Variants in FETUB observed in about 807,000 individuals in gnomAD.
FETUB encodes the protein fetuin-B.
Under a neutral mutation model 30.9 loss-of-function variants are expected in FETUB, and 28 were observed. That is an observed-to-expected ratio of 0.90 (90% CI 0.67 to 1.24). The LOEUF (loss-of-function observed/expected upper bound fraction) is 1.24. FETUB is among the 50% of genes most tolerant of loss of function. The probability of loss-of-function intolerance (pLI) is 0.00; values close to 1 mark genes in which losing one functional copy is unlikely to be tolerated. For missense variants in FETUB, 469 were observed against 455.3 expected, an observed-to-expected ratio of 1.03 and a Z score of -0.27; for synonymous variants, 186 against 175.9, an observed-to-expected ratio of 1.06 and a Z score of -0.45.
At chr3:186,638,218 A>T (rs1276018015), upstream of FETUB, among the ~76,000 whole-genome samples, 4 of 152,160 alleles carry the variant, frequency 2.6e-5, no homozygotes, top group East Asian at 1.9e-4. Flanking sequence ...ACCTAGATTG[A>T]TCTATCTCCA....
At chr3:186,638,886 G>C (rs1716855447), upstream of FETUB, among the ~76,000 whole-genome samples, 2 of 152,100 alleles carry the variant, frequency 1.3e-5, no homozygotes, top group Non-Finnish European at 2.9e-5. Context: ...TGAATGTCTG[G>C]TTTCTGTACC....
rs776890782 is a variant in FETUB, at chr3:186,652,559, C to T, written c.1077C>T (p.Pro359=). The T allele has an allele frequency of 8.1e-6, 13 of 1,613,782 alleles. No individual in the cohort carries two copies. The highest frequency in any genetic ancestry group is 1.1e-5 in the Non-Finnish European group (13 of 1,179,994). ...AGAAGCTGGTGGTCCTGCCTTTCCC[C>T]AAAGAAAAAGCACGCACTGCTGAGT... ...MEEKLVVLPF[P]KEKARTAECP... Residue 359 remains proline (P), a synonymous_variant, in exon 7 of 7, where the codon CCC becomes CCT. Coordinates refer to ENST00000265029, the MANE Select transcript of FETUB (RefSeq NM_014375.3).
chr3:186,641,150 T>G lies in FETUB; in HGVS notation c.336+10T>G. 6.4e-7 allele frequency: 1 copy of G among 1,564,764 alleles called. No individual in the cohort carries two copies. On this transcript the variant is annotated intron_variant, in intron 2 of 6. Transcript: ENST00000265029. ...GATATTTTTTGAATCAGTGAGTGCT[T>G]GTTTTTATAAACCATTAAGGGCCCT...
chr3:186,640,684 G>A lies in FETUB; in HGVS notation c.224G>A (p.Arg75Gln), dbSNP rs773072487. ...GTGAACGACGCCCAGGAATACAGACGGGCAAGTAGGGACAGTTCCCACTCT... is the reference window on the plus strand; with the variant it reads ...GTGAACGACGCCCAGGAATACAGACAGGCAAGTAGGGACAGTTCCCACTCT... The part of the protein sequence containing the change: ...NRVNDAQEYR[R>Q]GGLGSLFYLT... Residue 75 changes from arginine (R) to glutamine (Q), a missense_variant and splice_region_variant, in exon 1 of 7, where the codon CGG becomes CAG. Transcript: ENST00000265029. 1.7e-5 allele frequency: 27 copies of A among 1,611,516 alleles called. No homozygotes were observed. Among genetic ancestry groups the A allele is most frequent in the Middle Eastern group, 3.3e-4 (2 of 6,082 alleles).
chr3:186,640,958 G>GT (rs370875450), intron 1 of FETUB, 72 bp from the exon 2 acceptor site: 123 of 984,102 alleles, frequency 1.2e-4, no homozygotes, highest in African/African-American at 1.2e-3. Context: ...TAAAGCAGGG[G>GT]TTTTTTTGTG....
intron 5 of FETUB, among the ~76,000 whole-genome samples, chr3:186,650,660 T>C (rs1717951746): frequency 1.3e-5 from 2 of 152,098 alleles, no homozygotes. Context: ...AAAAAAAGAC[T>C]GGAAGGAAGG....
At position 186,652,680 on chromosome 3, in the gene FETUB, G is replaced by A. The variant is rs763565283; in HGVS notation, c.*49G>A. 47 of 1,537,396 alleles carry A rather than the reference G, an allele frequency of 3.1e-5. No homozygotes were observed. The highest frequency in any genetic ancestry group is 4.4e-6 in the Non-Finnish European group (5 of 1,148,056). On this transcript the variant is annotated 3_prime_UTR_variant, in exon 7 of 7. Coordinates refer to ENST00000265029, the MANE Select transcript of FETUB (RefSeq NM_014375.3). ...GGGTATGGTGCGCCGCATGACATGG[G>A]AGGCGATGGGGACGATGGACAGAGA...
intron 5 of FETUB, among the ~76,000 whole-genome samples, chr3:186,650,181 G>GGT (rs1717905400): frequency 2.5e-5 from 2 of 81,296 alleles, no homozygotes; most frequent in Non-Finnish European, 4.7e-5. Flanking sequence ...GGGGGGGGGG[G>GGT]GTAAATCACC....
chr3:186,637,274 G>T (rs1716803389), upstream of FETUB, among the ~76,000 whole-genome samples: 1 of 152,138 alleles, frequency 6.6e-6, no homozygotes, highest in African/African-American at 2.4e-5. Context: ...GATAAAGGGA[G>T]GAAAGGGAAG....
intron 3 of FETUB, among the ~76,000 whole-genome samples, chr3:186,643,878 A>G (rs1464466136): frequency 6.6e-6 from 1 of 152,146 alleles, no homozygotes; most frequent in Non-Finnish European, 1.5e-5. Context: ...GCTCCTCCCA[A>G]ACAGAAATCT....
At chr3:186,650,541 A>G (rs1360613923) in intron 5 of FETUB, among the ~76,000 whole-genome samples, 1 of 152,186 alleles carries the variant, frequency 6.6e-6, no homozygotes, top group African/African-American at 2.4e-5. Context: ...AGATCATTCA[A>G]TGCCATAAGA....
intron 3 of FETUB, 44 bp from the exon 4 acceptor site, chr3:186,644,707 G>A: frequency 1.3e-6 from 2 of 1,483,986 alleles, no homozygotes; most frequent in Non-Finnish European, 1.8e-6. Flanking sequence ...ATGATTTATT[G>A]AAAATTAATA....
At position 186,646,304 on chromosome 3, in the gene FETUB, T is replaced by C. The variant is rs1717538115; in HGVS notation, c.651T>C (p.Thr217=). Residue 217 remains threonine, a synonymous_variant, in exon 5 of 7, where the codon ACT becomes ACC. Transcript: ENST00000265029. Reference sequence around the variant, plus strand: ...ACTTAATTAAAGAATCACCATGTACTAAATCCCAGGCCAGCAGCTGTTCAC... The same window carrying C: ...ACTTAATTAAAGAATCACCATGTACCAAATCCCAGGCCAGCAGCTGTTCAC... ...VEYLIKESPC[T]KSQASSCSLQ... is the part of the protein sequence containing the mutation. 2 of 1,614,100 alleles carry C rather than the reference T, an allele frequency of 1.2e-6. No individual in the cohort carries two copies. Among genetic ancestry groups the C allele is most frequent in the South Asian group, 1.1e-5 (1 of 91,086 alleles).
rs148507156 is a variant in FETUB at position 186,644,869 on chromosome 3, G to A, written c.543G>A (p.Glu181=). 1,265 of 1,613,856 alleles carry A rather than the reference G, an allele frequency of 7.8e-4. 9 individuals carry two copies. The African/African-American group carries it at 0.012, about 15-fold the overall frequency. The change falls in exon 4 of 7, where the codon GAG becomes GAA. Residue 181 remains glutamate, a synonymous_variant. Coordinates refer to ENST00000265029, the MANE Select transcript of FETUB (RefSeq NM_014375.3). ...AGTCTCTTGCGAAATACAACAATGAGAACACATCCAAGCAGTATTCTCTCT... is the reference window on the plus strand; with the variant it reads ...AGTCTCTTGCGAAATACAACAATGAAAACACATCCAAGCAGTATTCTCTCT... ...ATESLAKYNN[E]NTSKQYSLFK...
At chr3:186,640,771 G>A in intron 1 of FETUB, 86 bp downstream of exon 1, 1 of 1,131,444 alleles carries the variant, frequency 8.8e-7, no homozygotes, top group Non-Finnish European at 1.3e-6. Flanking sequence ...GAGACACCCT[G>A]GCAGGTGTTT....
At chr3:186,637,543 G>T (rs1716810512), upstream of FETUB, among the ~76,000 whole-genome samples, 1 of 152,150 alleles carries the variant, frequency 6.6e-6, no homozygotes, top group Non-Finnish European at 1.5e-5. Flanking sequence ...TCACTGCCCT[G>T]GATCACACCT....
chr3:186,651,754 C>A (rs1718057806), intron 6 of FETUB: 1 of 180,206 alleles, frequency 5.5e-6, no homozygotes. Context: ...AAACAGGACA[C>A]TTGGGATCCA....
chr3:186,642,419 A>T (rs2108518927), intron 2 of FETUB, 52 bp from the exon 3 acceptor site: 1 of 968,208 alleles, frequency 1.0e-6, no homozygotes, highest in Non-Finnish European at 1.6e-6. Flanking sequence ...GAGGTATTTT[A>T]AAAGCTCATA....
At position 186,651,249 on chromosome 3, in the gene FETUB, G is replaced by C. The variant is rs143617617; in HGVS notation, c.728G>C (p.Arg243Pro). 116 of 1,613,580 alleles carry C rather than the reference G, an allele frequency of 7.2e-5. No homozygotes were observed. In the Admixed American group the frequency reaches 8.3e-4, roughly 12 times the overall value. ...PVGLCKGSLT[R>P]THWEKFVSVT... ...GGTCTTTGCAAAGGTTCTCTGACTC[G>C]AACACACTGGGAAAAGTTTGTCTCT... The change falls in exon 6 of 7, where the codon CGA becomes CCA. Residue 243 changes from arginine to proline, a missense_variant. Coordinates refer to ENST00000265029, the MANE Select transcript of FETUB (RefSeq NM_014375.3).
Sources: allele counts gnomAD v4.1 joint callset (sites outside exome capture counted in the v4.1 genomes callset), GRCh38; gene constraint gnomAD v4.1.1; transcripts MANE v1.5; gene names NCBI Gene and HGNC (gene_info 2026-07-23, HGNC 2026-07-21).